CFAP74: variants seen among roughly 807,000 people sequenced by gnomAD.
The protein encoded by CFAP74 is cilia- and flagella-associated protein 74.
CFAP74 carries 124 observed loss-of-function variants against 188.9 expected under a neutral mutation model. That is an observed-to-expected ratio of 0.66 (90% confidence interval 0.57 to 0.76). CFAP74 has a LOEUF of 0.76. Among genes scored for constraint, CFAP74 ranks in the 30% least tolerant of loss-of-function variants. The pLI, the probability that CFAP74 is intolerant of heterozygous loss-of-function variation, is 0.00. For synonymous variants in CFAP74, 956 were observed against 916.7 expected (o/e 1.04, Z -0.77); for missense variants, 2,198 against 2,165.2 (o/e 1.02, Z -0.30).
chr1:1,990,567 A>T (rs540081067), intron 2 of CFAP74, among the ~76,000 whole-genome samples: 2 of 152,314 alleles, frequency 1.3e-5, no homozygotes, highest in Admixed American at 6.5e-5. Context: ...ATTTCAGATC[A>T]TCAGAGATTT....
At chr1:1,925,972 T>C in intron 32 of CFAP74, 34 bp from the exon 33 acceptor site, 3 of 1,555,464 alleles carry the variant, frequency 1.9e-6, no homozygotes, top group East Asian at 4.7e-5. Context: ...CAGGAACCGA[T>C]GTCTGCTGGA....
At chr1:1,948,291 G>C (rs948966498) in intron 18 of CFAP74, among the ~76,000 whole-genome samples, 1 of 151,990 alleles carries the variant, frequency 6.6e-6, no homozygotes, top group Admixed American at 6.6e-5. Context: ...TTGGTTTTTA[G>C]AGACGAGGTC....
intron 10 of CFAP74, among the ~76,000 whole-genome samples, chr1:1,970,070 A>G (rs1570941668): frequency 6.6e-6 from 1 of 152,200 alleles, no homozygotes; most frequent in African/African-American, 2.4e-5. Flanking sequence ...CAGGAAGCCC[A>G]GTGGGGCCCG....
In CFAP74 at chr1:1,935,078, T is replaced by C. The variant is rs1396355070; in HGVS notation, c.3011+3777A>G. Reference sequence around the variant, plus strand: ...GTGGGTACACACGTGTGTACGTGGGTGTTAGGTTGTGGGTACACAGGTGTG... The same window carrying C: ...GTGGGTACACACGTGTGTACGTGGGCGTTAGGTTGTGGGTACACAGGTGTG... On this transcript the variant is annotated intron_variant, in intron 25 of 38. Coordinates refer to ENST00000682832, the MANE Select transcript of CFAP74 (RefSeq NM_001304360.2). Among the ~76,000 whole-genome samples, 4 of 82,976 alleles carry C rather than the reference T, an allele frequency of 4.8e-5. 1 individual carries two copies. Among genetic ancestry groups the C allele is most frequent in the Non-Finnish European group, 1.0e-4 (4 of 39,874 alleles). The allele number at this position is 82,976 out of a possible 152,430, so 54.4% of individuals were successfully genotyped here. A position where few individuals can be genotyped will look rare whatever the true frequency, so the allele number is the denominator to read the frequency against.
chr1:1,979,836 C>G (rs74046267), intron 6 of CFAP74, among the ~76,000 whole-genome samples: 2,474 of 66,796 alleles, frequency 0.037, 583 homozygotes, highest in African/African-American at 0.13. Flanking sequence ...GTGGTACTGA[C>G]CTGGGTGTGG....
intron 31 of CFAP74, 51 bp downstream of exon 31, chr1:1,926,406 C>A: frequency 6.5e-7 from 1 of 1,550,174 alleles, no homozygotes. Flanking sequence ...ACGCCCTCCC[C>A]GGTCCCCGCT....
rs367941804 is a variant in CFAP74, at chr1:1,972,999, C to T, written c.723G>A (p.Leu241=). ...QKELGLRHQK[L]LEDARKNHKV... is the part of the protein sequence containing the mutation. ...TGTGGTTCTTCCGGGCGTCCTCCAG[C>T]AGCTTCTGGTGCCTGAGCCCGAGCT... The change falls in exon 8 of 39, where the codon CTG becomes CTA. Residue 241 remains leucine, a synonymous_variant. Coordinates refer to ENST00000682832, the MANE Select transcript of CFAP74 (RefSeq NM_001304360.2). The T allele has an allele frequency of 3.3e-5, 53 of 1,613,914 alleles. No individual in the cohort carries two copies. The highest frequency in any genetic ancestry group is 4.2e-5 in the Non-Finnish European group (50 of 1,180,020).
intron 6 of CFAP74, among the ~76,000 whole-genome samples, chr1:1,982,267 G>A (rs1313016474): frequency 1.8e-5 from 2 of 111,020 alleles, no homozygotes; most frequent in Non-Finnish European, 4.3e-5. Context: ...GGGACACGCA[G>A]GACACCCAGC....
intron 1 of CFAP74, among the ~76,000 whole-genome samples, chr1:1,996,747 C>G (rs538205749): frequency 6.6e-6 from 1 of 151,454 alleles, no homozygotes; most frequent in East Asian, 2.0e-4. Flanking sequence ...ATGGTGAAAC[C>G]CCGTCTCTAC....
chr1:1,945,348 C>A (rs751049144), intron 20 of CFAP74, among the ~76,000 whole-genome samples: 10 of 152,108 alleles, frequency 6.6e-5, no homozygotes, highest in Non-Finnish European at 1.5e-4. Flanking sequence ...GCCAGCAAGC[C>A]CCGGGCTGGG....
intron 2 of CFAP74, 36 bp from the exon 3 acceptor site, chr1:1,989,009 AGC>A: frequency 3.0e-5 from 31 of 1,032,440 alleles, no homozygotes; most frequent in Non-Finnish European, 4.2e-5. Flanking sequence ...AAAAAAAAAA[AGC>A]AGATCAAACA....
chr1:1,930,481 G>A (rs1038358899), intron 25 of CFAP74, 145 bp from the exon 26 acceptor site: 22 of 771,860 alleles, frequency 2.9e-5, no homozygotes, highest in South Asian at 2.0e-4. Flanking sequence ...GGGTCACTGC[G>A]CCGCTGACAA....
chr1:1,928,715 G>C (rs1652117008), intron 27 of CFAP74, 69 bp downstream of exon 27: 1 of 1,214,142 alleles, frequency 8.2e-7, no homozygotes, highest in Non-Finnish European at 1.2e-6. Context: ...AGGACTCGAA[G>C]GCGGTGGAGT....
chr1:1,948,518 C>G (rs1269485471), intron 18 of CFAP74, among the ~76,000 whole-genome samples: 1 of 150,976 alleles, frequency 6.6e-6, no homozygotes, highest in Non-Finnish European at 1.5e-5. Context: ...CGTTGGCCCT[C>G]TAAAGTATTG....
intron 15 of CFAP74, among the ~76,000 whole-genome samples, chr1:1,959,436 T>C (rs1413530726): frequency 6.8e-6 from 1 of 148,024 alleles, no homozygotes; most frequent in African/African-American, 2.5e-5. Context: ...ATCTGGCTAA[T>C]TGTATTTTTT....
chr1:1,962,680 T>A (rs1189070158), intron 14 of CFAP74, among the ~76,000 whole-genome samples: 1 of 150,684 alleles, frequency 6.6e-6, no homozygotes, highest in Non-Finnish European at 1.5e-5. Context: ...AGCTCAGGAG[T>A]TTGAGACCAG....
chr1:1,926,270 G>T lies in CFAP74; in HGVS notation c.3906C>A (p.Thr1302=). The change falls in exon 32 of 39, where the codon ACC becomes ACA. Residue 1302 remains threonine, a synonymous_variant. Coordinates refer to ENST00000682832, the MANE Select transcript of CFAP74 (RefSeq NM_001304360.2). ...GAGAGAAGGAAAGCACCAGGACCTG[G>T]GTCCCACCTGCACGCAGCAGGCTGG... is the stretch of plus-strand genomic sequence containing the variant. ...NHSSLLRAGG[T]QVLVLSFSPH... 6.5e-7 allele frequency: 1 copy of T among 1,538,250 alleles called. No individual in the cohort carries two copies. The highest frequency in any genetic ancestry group is 2.5e-5 in the East Asian group (1 of 40,786).
rs140874595 is a variant in CFAP74, at chr1:1,968,523, G to A, written c.1245+112C>T. 7.0e-5 allele frequency: 61 copies of A among 875,384 alleles called. No homozygotes were observed. The highest frequency in any genetic ancestry group is 9.2e-5 in the Non-Finnish European group (50 of 545,110). The allele number at this position is 875,384 out of a possible 1,614,324, so 54.2% of individuals were successfully genotyped here. A position where few individuals can be genotyped will look rare whatever the true frequency, so the allele number is the denominator to read the frequency against. On this transcript the variant is annotated intron_variant, in intron 11 of 38. Transcript: ENST00000682832. The surrounding 1 kb of genome is among the most constrained non-coding windows in gnomAD (Gnocchi z 4.3). ...CAGCGGGCTCAGCAACCCCCTGCAGGTGGCCATGGTGCTGAGGTCCTCAGA... is the reference window on the plus strand; with the variant it reads ...CAGCGGGCTCAGCAACCCCCTGCAGATGGCCATGGTGCTGAGGTCCTCAGA...
intron 4 of CFAP74, chr1:1,988,018 G>A (rs1401027375): frequency 2.2e-6 from 1 of 444,944 alleles, no homozygotes; most frequent in Non-Finnish European, 4.5e-6. Context: ...ACCCAGGCTT[G>A]CTGCAGCCTT....
Sources: allele counts gnomAD v4.1 joint callset (sites outside exome capture counted in the v4.1 genomes callset), GRCh38; gene constraint gnomAD v4.1.1; non-coding constraint Gnocchi (gnomAD v3.1); transcripts MANE v1.5; gene names NCBI Gene and HGNC (gene_info 2026-07-23, HGNC 2026-07-21).